The following ABLIM1 variants were observed in gnomAD, a reference collection of about 807,000 sequenced individuals.
ABLIM1 encodes the protein actin binding LIM protein 1, also known as actin-binding LIM protein 1.
A neutral mutation model predicts 107.0 loss-of-function variants in ABLIM1; 40 were observed. That is an observed-to-expected ratio of 0.37 (90% CI 0.29 to 0.49). The LOEUF is 0.49. Ranked by LOEUF, ABLIM1 falls within the 20% of genes least tolerant of loss-of-function variation. The pLI is 0.97. For synonymous variants in ABLIM1, 357 were observed against 357.3 expected (o/e 1.00, Z 0.01); for missense variants, 857 against 1,008.5 (o/e 0.85, Z 2.04).
At position 114,441,011 on chromosome 10, in the gene ABLIM1, C is replaced by G. The variant is rs777126915; in HGVS notation, c.2059+6G>C. The G allele has an allele frequency of 6.3e-7, 1 of 1,584,772 alleles. No homozygotes were observed. Reference sequence around the variant, plus strand: ...GCCATGCTCAGCCTGGCCATGGGAGCCTCACCTCGCACTCCCCCGCTGACA... The same window carrying G: ...GCCATGCTCAGCCTGGCCATGGGAGGCTCACCTCGCACTCCCCCGCTGACA... On this transcript the variant is annotated splice_donor_region_variant and intron_variant, in intron 19 of 22. Transcript: ENST00000533213.
chr10:114,514,166 GTAATCC>G (rs1484460994), intron 6 of ABLIM1, among the ~76,000 whole-genome samples: 3 of 152,146 alleles, frequency 2.0e-5, no homozygotes, highest in Admixed American at 1.3e-4. Context: ...GCTCACGCCT[GTAATCC>G]TAACACTTTG....
At chr10:114,472,940 A>G in intron 10 of ABLIM1, 37 bp downstream of exon 10, 1 of 1,476,492 alleles carries the variant, frequency 6.8e-7, no homozygotes, top group Non-Finnish European at 9.0e-7. Context: ...GGGAAGGTAA[A>G]TTGTTGTACA....
At chr10:114,455,155 T>G (rs1293316301) in intron 12 of ABLIM1, among the ~76,000 whole-genome samples, 2 of 138,794 alleles carry the variant, frequency 1.4e-5, no homozygotes, top group African/African-American at 5.4e-5. Context: ...TGTACATTTT[T>G]AAGTAACCAG....
rs375699261 is a variant in ABLIM1, at chr10:114,440,014, G to T, written c.2067+68C>A. ...AACAGAAACTGTTGCCTTGGAGCCA[G>T]CAGTCTGGGTTGGAACATGGCTGTT... On this transcript the variant is annotated intron_variant, in intron 20 of 22. Coordinates refer to ENST00000533213, the MANE Select transcript of ABLIM1 (RefSeq NM_002313.7). The T allele has an allele frequency of 1.9e-6, 3 of 1,612,064 alleles. No homozygotes were observed. The African/African-American group carries it at 4.0e-5, about 22-fold the overall frequency.
intron 6 of ABLIM1, among the ~76,000 whole-genome samples, chr10:114,504,281 G>T (rs774500631): frequency 2.0e-5 from 3 of 151,926 alleles, no homozygotes; most frequent in Non-Finnish European, 2.9e-5. Flanking sequence ...CACTTGGTGG[G>T]CGCCTGTTAT....
intron 2 of ABLIM1, among the ~76,000 whole-genome samples, chr10:114,580,866 G>A (rs534001993): frequency 5.3e-5 from 8 of 152,232 alleles, no homozygotes; most frequent in South Asian, 2.1e-4. Context: ...TCCATTAGTC[G>A]TTAGCTGACA....
rs969940121 is a variant in ABLIM1, at chr10:114,432,967, T to C, written c.*3293A>G. ...TCCCAATGCTCTTCCTATCTCCTAATAAGTCACACAGAAAGACTATGTGAT... is the reference window on the plus strand; with the variant it reads ...TCCCAATGCTCTTCCTATCTCCTAACAAGTCACACAGAAAGACTATGTGAT... On this transcript the variant is annotated 3_prime_UTR_variant, in exon 23 of 23. Transcript: ENST00000533213. The C allele has an allele frequency of 6.6e-6, 1 of 152,196 alleles. No individual in the cohort carries two copies. The highest frequency in any genetic ancestry group is 2.4e-5 in the African/African-American group (1 of 41,448). 9.4% of individuals were successfully genotyped at this position (152,196 alleles called of 1,614,324 possible).
chr10:114,620,329 G>A (rs979353051), intron 1 of ABLIM1, among the ~76,000 whole-genome samples: 1 of 152,210 alleles, frequency 6.6e-6, no homozygotes, highest in African/African-American at 2.4e-5. Flanking sequence ...TAGGCATGGT[G>A]GACAGGTCAT....
intron 1 of ABLIM1, among the ~76,000 whole-genome samples, chr10:114,724,292 A>G (rs1315336867): frequency 6.6e-6 from 1 of 152,148 alleles, no homozygotes; most frequent in African/African-American, 2.4e-5. Context: ...CAGTTTCTCC[A>G]TCTGTGAAAT....
At chr10:114,715,759 G>T (rs59893346) in intron 1 of ABLIM1, among the ~76,000 whole-genome samples, 1 of 152,108 alleles carries the variant, frequency 6.6e-6, no homozygotes, top group Non-Finnish European at 1.5e-5. Context: ...GCTATTGAAA[G>T]TTAAAAATTG....
In ABLIM1 at chr10:114,728,135, T is replaced by C. The variant is rs192977847; in HGVS notation, c.-213+39926A>G. ...GGAAAAGCAAATGACTGTAATCATA[T>C]GAAAATGTGTTATTCAGACTCATTA... On this transcript the variant is annotated intron_variant, in intron 1 of 15. Coordinates refer to the ABLIM1 transcript ENST00000651092. Among the ~76,000 whole-genome samples, 374 of 152,280 alleles carry C rather than the reference T, an allele frequency of 2.5e-3. 1 individual carries two copies. Among genetic ancestry groups the C allele is most frequent in the Non-Finnish European group, 4.2e-3 (286 of 68,030 alleles).
intron 15 of ABLIM1, among the ~76,000 whole-genome samples, chr10:114,445,934 T>G (rs1222788580): frequency 6.6e-6 from 1 of 152,162 alleles, no homozygotes; most frequent in Admixed American, 6.5e-5. Context: ...CATACCCTAC[T>G]GATTTTTAAA....
At chr10:114,631,141 G>A (rs2078146697) in intron 1 of ABLIM1, among the ~76,000 whole-genome samples, 1 of 152,190 alleles carries the variant, frequency 6.6e-6, no homozygotes, top group South Asian at 2.1e-4. Context: ...TATATTACTT[G>A]AATCACTCAA....
At chr10:114,567,587 A>G (rs531961870) in intron 4 of ABLIM1, among the ~76,000 whole-genome samples, 1 of 152,344 alleles carries the variant, frequency 6.6e-6, no homozygotes, top group Admixed American at 6.5e-5. Context: ...GCAGAACAAT[A>G]CAGACATGGC....
At chr10:114,646,112 T>C (rs2079003286) in intron 1 of ABLIM1, among the ~76,000 whole-genome samples, 1 of 152,312 alleles carries the variant, frequency 6.6e-6, no homozygotes. Context: ...ATATGTATTG[T>C]ATTTGTTGGG....
In ABLIM1 at chr10:114,436,121, T is replaced by A. The variant is rs2138900210; in HGVS notation, c.*139A>T. 3 of 643,414 alleles carry A rather than the reference T, an allele frequency of 4.7e-6. No homozygotes were observed. The East Asian group carries it at 8.2e-5, about 18-fold the overall frequency. 39.9% of individuals were successfully genotyped at this position (643,414 alleles called of 1,614,324 possible). ...GGCCCGACATTTGACTCATGGTGTTTTAACCAGACTTTCTCTTTTTGGTGT... is the reference window on the plus strand; with the variant it reads ...GGCCCGACATTTGACTCATGGTGTTATAACCAGACTTTCTCTTTTTGGTGT... On this transcript the variant is annotated 3_prime_UTR_variant, in exon 23 of 23. Transcript: ENST00000533213.
intron 7 of ABLIM1, among the ~76,000 whole-genome samples, chr10:114,488,779 T>C (rs1414190680): frequency 6.6e-6 from 1 of 152,216 alleles, no homozygotes; most frequent in Non-Finnish European, 1.5e-5. Flanking sequence ...AAGAATCCAA[T>C]GCCTGCTCAT....
At chr10:114,799,136 C>T in the ABLIM1 span, among the ~76,000 whole-genome samples, 1 of 152,172 alleles carries the variant, frequency 6.6e-6, no homozygotes, top group Non-Finnish European at 1.5e-5. Flanking sequence ...AGGCTCGGCA[C>T]TAGCAATTAT....
upstream of ABLIM1, among the ~76,000 whole-genome samples, chr10:114,686,790 G>T (rs976690879): frequency 6.6e-6 from 1 of 151,576 alleles, no homozygotes; most frequent in African/African-American, 2.4e-5. Flanking sequence ...CACCATGCCC[G>T]GCTATTTTTT....
Sources: allele counts gnomAD v4.1 joint callset (sites outside exome capture counted in the v4.1 genomes callset), GRCh38; gene constraint gnomAD v4.1.1; transcripts MANE v1.5; gene names NCBI Gene and HGNC (gene_info 2026-07-23, HGNC 2026-07-21).